Variants in GPATCH2 observed in about 807,000 individuals in gnomAD.
GPATCH2 encodes the protein G patch domain-containing protein 2.
Under a neutral mutation model 58.0 loss-of-function variants are expected in GPATCH2, and 51 were observed. The ratio of observed to expected loss-of-function variants is 0.88; its 90% CI spans 0.70 to 1.11. GPATCH2 has a LOEUF of 1.11. Ranked by LOEUF, GPATCH2 falls within the 50% of genes most tolerant of loss-of-function variation. The probability of loss-of-function intolerance (pLI) is 0.00; values close to 1 mark genes in which losing one functional copy is unlikely to be tolerated. For missense variants in GPATCH2, 625 were observed against 652.2 expected, an observed-to-expected ratio of 0.96 and a Z score of 0.45; for synonymous variants, 222 against 218.5, an observed-to-expected ratio of 1.02 and a Z score of -0.14.
At chr1:217,455,813 T>A (rs1465841415) in intron 8 of GPATCH2, among the ~76,000 whole-genome samples, 1 of 151,940 alleles carries the variant, frequency 6.6e-6, no homozygotes, top group Admixed American at 6.6e-5. Flanking sequence ...CACCTCCCTA[T>A]CCTGTACCCA....
intron 9 of GPATCH2, among the ~76,000 whole-genome samples, chr1:217,446,396 T>C (rs534860921): frequency 3.9e-4 from 59 of 152,302 alleles, no homozygotes; most frequent in African/African-American, 1.3e-3. Context: ...AGAGACAAGA[T>C]GATCTAGGAT....
chr1:217,595,735 A>G (rs1036324934), intron 5 of GPATCH2, among the ~76,000 whole-genome samples: 2 of 152,082 alleles, frequency 1.3e-5, no homozygotes, highest in African/African-American at 4.8e-5. Flanking sequence ...CCTGACTTCA[A>G]GTGTTCCACG....
At chr1:217,597,338 G>A (rs1252318894) in intron 5 of GPATCH2, among the ~76,000 whole-genome samples, 1 of 148,672 alleles carries the variant, frequency 6.7e-6, no homozygotes, top group African/African-American at 2.5e-5. Flanking sequence ...TGAGACTCTT[G>A]TCTCTTAAAA....
chr1:217,476,344 C>T (rs1473394232), intron 8 of GPATCH2, among the ~76,000 whole-genome samples: 2 of 151,680 alleles, frequency 1.3e-5, no homozygotes, highest in Non-Finnish European at 2.9e-5. Context: ...TAGAAGACCA[C>T]CAATTGCCAC....
At chr1:217,519,442 A>T (rs757861411) in intron 5 of GPATCH2, among the ~76,000 whole-genome samples, 1 of 152,226 alleles carries the variant, frequency 6.6e-6, no homozygotes, top group Admixed American at 6.5e-5. Flanking sequence ...TAATTCAAGG[A>T]ACATAAATTG....
At chr1:217,437,594 T>G (rs1480534287) in intron 9 of GPATCH2, among the ~76,000 whole-genome samples, 1 of 152,166 alleles carries the variant, frequency 6.6e-6, no homozygotes, top group Admixed American at 6.5e-5. Context: ...AGATTTCCCC[T>G]CACAGTGTAA....
chr1:217,582,596 A>AT (rs1402666987), intron 5 of GPATCH2, among the ~76,000 whole-genome samples: 1 of 152,212 alleles, frequency 6.6e-6, no homozygotes, highest in East Asian at 1.9e-4. Flanking sequence ...AGAATCCAGT[A>AT]TTAAAGTTGG....
At chr1:217,550,911 ATAAG>A (rs145334229) in intron 5 of GPATCH2, among the ~76,000 whole-genome samples, 6,167 of 151,482 alleles carry the variant, frequency 0.041, 141 homozygotes, top group African/African-American at 0.044. Flanking sequence ...AATAATTAAG[ATAAG>A]TAATTACATG....
chr1:217,525,994 A>G (rs1663885730), intron 5 of GPATCH2, among the ~76,000 whole-genome samples: 1 of 152,162 alleles, frequency 6.6e-6, no homozygotes, highest in South Asian at 2.1e-4. Flanking sequence ...ACAATGTGTC[A>G]TATCATCCAT....
At chr1:217,484,137 A>G (rs947587129) in intron 8 of GPATCH2, among the ~76,000 whole-genome samples, 16 of 152,220 alleles carry the variant, frequency 1.1e-4, no homozygotes, top group African/African-American at 2.9e-4. Flanking sequence ...TATTGTGTCT[A>G]TGTCTGTGAG....
chr1:217,581,734 C>T (rs1224306217), intron 5 of GPATCH2, among the ~76,000 whole-genome samples: 4 of 152,052 alleles, frequency 2.6e-5, no homozygotes, highest in Non-Finnish European at 5.9e-5. Context: ...GGGCAGATCA[C>T]GAGGTCAGGA....
Position 217,449,234 on chromosome 1 carries a change from C to T in GPATCH2, c.1366+15G>A, listed in dbSNP as rs371019108. The T allele has an allele frequency of 1.4e-6, 2 of 1,421,560 alleles. No homozygotes were observed. The highest frequency in any genetic ancestry group is 2.3e-5 in the East Asian group (1 of 43,916). The allele number at this position is 1,421,560 out of a possible 1,614,324, so 88.1% of individuals were successfully genotyped here. On this transcript the variant is annotated intron_variant, in intron 9 of 9. Coordinates refer to ENST00000366935, the MANE Select transcript of GPATCH2 (RefSeq NM_018040.5). ...TCTACATTTGTGCTCCACTCTAACC[C>T]TGCTTTTGTTTTACCTGCAGTAGTA...
chr1:217,540,283 C>T (rs1293621260), intron 5 of GPATCH2, among the ~76,000 whole-genome samples: 1 of 152,088 alleles, frequency 6.6e-6, no homozygotes, highest in Non-Finnish European at 1.5e-5. Context: ...GACCCACAGA[C>T]TTGCAGCTAA....
At chr1:217,555,121 A>G (rs950486134) in intron 5 of GPATCH2, among the ~76,000 whole-genome samples, 2 of 152,174 alleles carry the variant, frequency 1.3e-5, no homozygotes, top group Admixed American at 1.3e-4. Context: ...CTGTTAATGG[A>G]TTTCTAAAAC....
intron 5 of GPATCH2, among the ~76,000 whole-genome samples, chr1:217,521,085 A>G (rs933422088): frequency 5.3e-5 from 8 of 152,188 alleles, no homozygotes; most frequent in Admixed American, 3.9e-4. Flanking sequence ...GCCTCAAGTA[A>G]TCTTCCCACC....
At chr1:217,522,557 T>C (rs1571853832) in intron 5 of GPATCH2, among the ~76,000 whole-genome samples, 1 of 152,212 alleles carries the variant, frequency 6.6e-6, no homozygotes, top group African/African-American at 2.4e-5. Context: ...AGTAAGGATA[T>C]GGCCACATAT....
intron 5 of GPATCH2, among the ~76,000 whole-genome samples, chr1:217,595,793 C>A (rs1482852899): frequency 6.6e-6 from 1 of 152,142 alleles, no homozygotes; most frequent in African/African-American, 2.4e-5. Flanking sequence ...AGCCACCGCA[C>A]CCGGCCGATC....
chr1:217,530,918 C>T (rs1664156269), intron 5 of GPATCH2, among the ~76,000 whole-genome samples: 1 of 151,984 alleles, frequency 6.6e-6, no homozygotes, highest in African/African-American at 2.4e-5. Flanking sequence ...TGTTTTACAG[C>T]TGATTTGCTT....
At chr1:217,534,740 T>C (rs1256777156) in intron 5 of GPATCH2, among the ~76,000 whole-genome samples, 1 of 152,184 alleles carries the variant, frequency 6.6e-6, no homozygotes, top group Non-Finnish European at 1.5e-5. Context: ...AGATGTCACA[T>C]GACCATACAG....
Sources: gnomAD v4.1 joint callset for allele counts (sites outside exome capture counted in the v4.1 genomes callset) on GRCh38, gnomAD v4.1.1 for gene constraint, MANE v1.5 for transcripts, NCBI Gene and HGNC (gene_info 2026-07-23, HGNC 2026-07-21) for gene names.